Variants in NAE1 observed in about 807,000 individuals in gnomAD.
The protein encoded by NAE1 is NEDD8-activating enzyme E1 regulatory subunit.
In NAE1, 59 loss-of-function variants were observed where a neutral mutation model predicts 88.0. That is an observed-to-expected ratio of 0.67 (90% confidence interval 0.54 to 0.83). The LOEUF is 0.83. Ranked by LOEUF, NAE1 falls within the 40% of genes least tolerant of loss-of-function variation. The pLI, the probability that NAE1 is intolerant of heterozygous loss-of-function variation, is 0.00. For synonymous variants in NAE1, 186 were observed against 208.9 expected, an observed-to-expected ratio of 0.89 and a Z score of 0.95; for missense variants, 554 against 632.8, an observed-to-expected ratio of 0.88 and a Z score of 1.34.
rs1302414379 is a variant in NAE1, at chr16:66,830,831, G to C, written c.53+16C>G. The C allele has an allele frequency of 1.3e-6, 2 of 1,510,594 alleles. No individual in the cohort carries two copies. The highest frequency in any genetic ancestry group is 1.8e-6 in the Non-Finnish European group (2 of 1,136,662). The allele number at this position is 1,510,594 out of a possible 1,614,324, so 93.6% of individuals were successfully genotyped here. Reference sequence around the variant, plus strand: ...AGCCCGCCGGCCCGCCCTCGGCTCGGTGAGCCTCGGCTCACCTCAGCTGCC... The same window carrying C: ...AGCCCGCCGGCCCGCCCTCGGCTCGCTGAGCCTCGGCTCACCTCAGCTGCC... On this transcript the variant is annotated intron_variant, in intron 1 of 19. Transcript: ENST00000290810.
rs770264954 is a variant in NAE1, at chr16:66,813,817, A to G, written c.870T>C (p.Asn290=). ...QIPSSIEDIF[N]DDRCINITKQ... ...TGGTGATATTTATGCAGCGATCATC[A>G]TTAAATATATCTTCAATACTGCTTG... is the stretch of plus-strand genomic sequence containing the variant. The change falls in exon 12 of 20, where the codon AAT becomes AAC. Residue 290 remains asparagine (N), a synonymous_variant. Transcript: ENST00000290810. 7 of 1,613,724 alleles carry G rather than the reference A, an allele frequency of 4.3e-6. No individual in the cohort carries two copies. The African/African-American group carries it at 8.0e-5, about 18-fold the overall frequency.
intron 13 of NAE1, among the ~76,000 whole-genome samples, chr16:66,812,329 C>T (rs1959834791): frequency 1.3e-5 from 2 of 151,780 alleles, no homozygotes; most frequent in African/African-American, 2.4e-5. Context: ...CTCATAAGGT[C>T]GTTGTGAACC....
At chr16:66,830,051 A>G (rs1960631847) in intron 1 of NAE1, among the ~76,000 whole-genome samples, 1 of 152,146 alleles carries the variant, frequency 6.6e-6, no homozygotes, top group African/African-American at 2.4e-5. Flanking sequence ...ACGCCCAGCT[A>G]ATTTCTGAAT....
chr16:66,818,953 C>T (rs1205988905), intron 7 of NAE1, among the ~76,000 whole-genome samples: 4 of 152,100 alleles, frequency 2.6e-5, no homozygotes, highest in Non-Finnish European at 5.9e-5. Flanking sequence ...TGTGAGCCAC[C>T]GTGCCCAGCT....
At chr16:66,814,606 A>G (rs199594260) in intron 11 of NAE1, among the ~76,000 whole-genome samples, 1 of 97,146 alleles carries the variant, frequency 1.0e-5, no homozygotes, top group African/African-American at 4.8e-5. Context: ...AAAAAAAAAA[A>G]AAATACACAC....
chr16:66,812,174 T>A (rs1959828637), intron 13 of NAE1, among the ~76,000 whole-genome samples: 1 of 152,228 alleles, frequency 6.6e-6, no homozygotes, highest in African/African-American at 2.4e-5. Flanking sequence ...GGGCCATAGC[T>A]AAGCATACAG....
At chr16:66,829,160 C>T (rs1208171100) in intron 1 of NAE1, among the ~76,000 whole-genome samples, 1 of 152,178 alleles carries the variant, frequency 6.6e-6, no homozygotes. Flanking sequence ...CACTTCAAAA[C>T]CAGTTCTCAC....
At chr16:66,824,087 G>A (rs567622243) in intron 4 of NAE1, among the ~76,000 whole-genome samples, 1 of 152,192 alleles carries the variant, frequency 6.6e-6, no homozygotes, top group Non-Finnish European at 1.5e-5. Context: ...ACTTAAAACA[G>A]AGCAAAACCA....
At chr16:66,805,883 A>G (rs781017777) in intron 18 of NAE1, 29 bp downstream of exon 18, 1 of 1,598,574 alleles carries the variant, frequency 6.3e-7, no homozygotes, top group Admixed American at 1.8e-5. Context: ...GTGTGGAATC[A>G]TCTCCTAGAT....
intron 3 of NAE1, among the ~76,000 whole-genome samples, chr16:66,825,673 A>G (rs1187886015): frequency 1.3e-5 from 2 of 151,946 alleles, no homozygotes; most frequent in African/African-American, 4.8e-5. Context: ...GTATTGAACC[A>G]TTTGTTTTTG....
intron 16 of NAE1, 98 bp downstream of exon 16, chr16:66,808,891 A>T (rs363169): frequency 0.47 from 350,387 of 739,290 alleles, 85,709 homozygotes; most frequent in African/African-American, 0.64. Flanking sequence ...CGTTATCTTT[A>T]ATATCATCAC....
intron 15 of NAE1, 130 bp downstream of exon 15, chr16:66,810,244 A>G (rs1336338496): frequency 6.3e-5 from 45 of 710,398 alleles, no homozygotes; most frequent in South Asian, 5.2e-4. Context: ...ACCTTACCCA[A>G]TAATTATCTA....
chr16:66,830,932 C>T lies in NAE1; in HGVS notation c.-33G>A, dbSNP rs766304144. The stretch of plus-strand genomic sequence containing the variant: ...CCTGCCGCGCGGAAAACAGCCGAGC[C>T]CCTGCGGAGCGCCGCCACCAGCTCC... On this transcript the variant is annotated 5_prime_UTR_variant, in exon 1 of 20. Coordinates refer to ENST00000290810, the MANE Select transcript of NAE1 (RefSeq NM_003905.4). 3.3e-6 allele frequency: 5 copies of T among 1,501,778 alleles called. No individual in the cohort carries two copies. Among genetic ancestry groups the T allele is most frequent in the East Asian group, 5.6e-5 (2 of 35,972 alleles). The allele number at this position is 1,501,778 out of a possible 1,614,324, so 93.0% of individuals were successfully genotyped here. A position where few individuals can be genotyped will look rare whatever the true frequency, so the allele number is the denominator to read the frequency against.
intron 1 of NAE1, chr16:66,827,945 A>C: frequency 1.9e-5 from 30 of 1,558,304 alleles, no homozygotes; most frequent in East Asian, 2.2e-5. Flanking sequence ...CTCAGCCTCT[A>C]GAGTTGCTGG....
intron 3 of NAE1, among the ~76,000 whole-genome samples, chr16:66,825,261 T>C (rs1291409235): frequency 6.6e-6 from 1 of 151,928 alleles, no homozygotes; most frequent in Admixed American, 6.6e-5. Flanking sequence ...TCCTGGCTAA[T>C]ACAGTGAAAC....
intron 11 of NAE1, among the ~76,000 whole-genome samples, chr16:66,815,537 T>C (rs766947150): frequency 1.9e-4 from 29 of 152,248 alleles, no homozygotes; most frequent in Non-Finnish European, 3.2e-4. Context: ...TTAAATTTTT[T>C]GTAGAGACAA....
chr16:66,804,458 T>G (rs1282940634), intron 19 of NAE1, among the ~76,000 whole-genome samples: 1 of 152,220 alleles, frequency 6.6e-6, no homozygotes, highest in Non-Finnish European at 1.5e-5. Flanking sequence ...TGAATCAGGC[T>G]TTAATTTGGA....
chr16:66,813,618 C>T lies in NAE1; in HGVS notation c.980G>A (p.Gly327Asp). The change falls in exon 13 of 20, where the codon GGC (glycine) becomes GAC (aspartate). Residue 327 changes from glycine to aspartate, a missense_variant. Gly to Asp is a moderately conservative substitution (Grantham distance 94, BLOSUM62 -1). Transcript: ENST00000290810. ...ATCTGCAATCATATCAGGAATTGTGCCTCGAACAGGTAAATTTCCTTGACC... is the reference window on the plus strand; with the variant it reads ...ATCTGCAATCATATCAGGAATTGTGTCTCGAACAGGTAAATTTCCTTGACC... ...KEGQGNLPVRGTIPDMIADSG... is the reference protein window; with the variant it reads ...KEGQGNLPVRDTIPDMIADSG... 1 of 1,613,924 alleles carries T rather than the reference C, an allele frequency of 6.2e-7. No homozygotes were observed. The highest frequency in any genetic ancestry group is 8.5e-7 in the Non-Finnish European group (1 of 1,179,936).
intron 11 of NAE1, among the ~76,000 whole-genome samples, chr16:66,815,089 G>A (rs776562440): frequency 2.0e-5 from 3 of 151,956 alleles, no homozygotes; most frequent in South Asian, 2.1e-4. Context: ...TCTCAACCCC[G>A]GATTCCCTTG....
Sources: gnomAD v4.1 joint callset for allele counts (sites outside exome capture counted in the v4.1 genomes callset) on GRCh38, gnomAD v4.1.1 for gene constraint, MANE v1.5 for transcripts, NCBI Gene and HGNC (gene_info 2026-07-23, HGNC 2026-07-21) for gene names.